GABBR2: variants seen among roughly 807,000 people sequenced by gnomAD.
GABBR2 encodes the protein gamma-aminobutyric acid type B receptor subunit 2.
In GABBR2, 23 loss-of-function variants were observed where a neutral mutation model predicts 105.6. The ratio of observed to expected loss-of-function variants is 0.22; its 90% CI spans 0.16 to 0.31. The LOEUF (loss-of-function observed/expected upper bound fraction) is 0.31, where lower values mean the gene tolerates loss of function less well. Ranked by LOEUF, GABBR2 falls within the 10% of genes least tolerant of loss-of-function variation. The pLI, the probability that GABBR2 is intolerant of heterozygous loss-of-function variation, is 1.00. For synonymous variants in GABBR2, 478 were observed against 499.7 expected, an observed-to-expected ratio of 0.96 and a Z score of 0.58; for missense variants, 734 against 1,245.5, an observed-to-expected ratio of 0.59 and a Z score of 6.18.
rs5899341 is a variant in GABBR2, at chr9:98,410,505, C to CTT, written c.1237-4366_1237-4365dup. Among the ~76,000 whole-genome samples, 80 of 126,472 alleles carry CTT rather than the reference C, an allele frequency of 6.3e-4. 1 individual carries two copies. Among genetic ancestry groups the CTT allele is most frequent in the African/African-American group, 1.8e-3 (58 of 32,974 alleles). The allele number at this position is 126,472 out of a possible 152,430, so 83.0% of individuals were successfully genotyped here. ...CGCATAAGCATGCATGAGGGAAAAG[C>CTT]TTTTTTTTTTTTTTTTTTTCTTCCT... On this transcript the variant is annotated intron_variant, in intron 7 of 18. Coordinates refer to ENST00000259455, the MANE Select transcript of GABBR2 (RefSeq NM_005458.8).
intron 4 of GABBR2, 142 bp downstream of exon 4, chr9:98,496,271 G>A: frequency 3.1e-6 from 2 of 642,634 alleles, no homozygotes; most frequent in Non-Finnish European, 2.8e-6. Context: ...CCAATTCCTG[G>A]GAGCTTCTCC....
intron 1 of GABBR2, among the ~76,000 whole-genome samples, chr9:98,667,395 A>G (rs1588275602): frequency 6.6e-6 from 1 of 152,128 alleles, no homozygotes; most frequent in African/African-American, 2.4e-5. Flanking sequence ...CTTCCCCTTC[A>G]GGAGCTGGGC....
At chr9:98,397,514 C>G (rs551037823) in intron 8 of GABBR2, among the ~76,000 whole-genome samples, 1 of 152,120 alleles carries the variant, frequency 6.6e-6, no homozygotes, top group Non-Finnish European at 1.5e-5. Flanking sequence ...TGCCAAGTTC[C>G]TAGCTTGGAA....
intron 1 of GABBR2, among the ~76,000 whole-genome samples, chr9:98,581,533 G>A (rs1012863285): frequency 3.4e-5 from 5 of 145,008 alleles, no homozygotes; most frequent in East Asian, 1.9e-4. Flanking sequence ...CAGGGAGGGA[G>A]GGAGGAAAGA....
intron 1 of GABBR2, among the ~76,000 whole-genome samples, chr9:98,652,785 G>A (rs370261074): frequency 5.8e-4 from 88 of 152,324 alleles, no homozygotes; most frequent in African/African-American, 2.0e-3. Flanking sequence ...GGCCTTACCA[G>A]GTGGCCACCA....
intron 1 of GABBR2, among the ~76,000 whole-genome samples, chr9:98,682,064 A>C (rs1830556569): frequency 6.6e-6 from 1 of 151,912 alleles, no homozygotes; most frequent in Non-Finnish European, 1.5e-5. Context: ...GTGAAAACTC[A>C]TCTCTACTAA....
chr9:98,538,580 C>A, intron 3 of GABBR2: 1 of 983,022 alleles, frequency 1.0e-6, no homozygotes. Context: ...CTCACAGGAG[C>A]AGCTGGTCCC....
intron 1 of GABBR2, among the ~76,000 whole-genome samples, chr9:98,688,050 G>A (rs150614852): frequency 6.6e-6 from 1 of 152,240 alleles, no homozygotes; most frequent in African/African-American, 2.4e-5. Context: ...CACACACTGA[G>A]CAGCAGACCT....
At chr9:98,304,788 G>A (rs969829325) in intron 15 of GABBR2, among the ~76,000 whole-genome samples, 2 of 127,170 alleles carry the variant, frequency 1.6e-5, no homozygotes, top group Admixed American at 8.3e-5. Context: ...TTGGAGGGGC[G>A]GGTAAAGGGT....
intron 1 of GABBR2, among the ~76,000 whole-genome samples, chr9:98,706,297 G>A (rs1830893314): frequency 6.6e-6 from 1 of 152,060 alleles, no homozygotes; most frequent in South Asian, 2.1e-4. Flanking sequence ...CCTAGGCTTA[G>A]AGAGATTAAA....
chr9:98,298,553 A>G (rs183968401), intron 17 of GABBR2, among the ~76,000 whole-genome samples: 1 of 152,250 alleles, frequency 6.6e-6, no homozygotes, highest in East Asian at 1.9e-4. Flanking sequence ...ATTTCCAAAT[A>G]CTCTTACCAA....
At chr9:98,346,877 A>G (rs1831312201) in intron 13 of GABBR2, among the ~76,000 whole-genome samples, 1 of 152,114 alleles carries the variant, frequency 6.6e-6, no homozygotes, top group East Asian at 1.9e-4. Context: ...AATATCCTCC[A>G]GGCTCATTCA....
chr9:98,492,375 A>AAAAAAAAAAAAAAAC (rs1827195151), intron 4 of GABBR2, among the ~76,000 whole-genome samples: 1 of 147,148 alleles, frequency 6.8e-6, no homozygotes, highest in Non-Finnish European at 1.5e-5. Flanking sequence ...AAAAAAAAAA[A>AAAAAAAAAAAAAAAC]AATTCTTATT....
chr9:98,573,777 G>A (rs1290086781), intron 2 of GABBR2, among the ~76,000 whole-genome samples: 1 of 152,122 alleles, frequency 6.6e-6, no homozygotes, highest in African/African-American at 2.4e-5. Context: ...AGTCTTTCTG[G>A]CTGTTTTTTC....
At chr9:98,488,700 T>C (rs1175144213) in intron 4 of GABBR2, among the ~76,000 whole-genome samples, 1 of 152,146 alleles carries the variant, frequency 6.6e-6, no homozygotes, top group Non-Finnish European at 1.5e-5. Flanking sequence ...CCTGTTTTGT[T>C]ACTAAGAAGA....
chr9:98,459,279 T>A (rs534523747), intron 6 of GABBR2, among the ~76,000 whole-genome samples: 3 of 152,190 alleles, frequency 2.0e-5, no homozygotes, highest in Non-Finnish European at 4.4e-5. Flanking sequence ...GAATAAAATA[T>A]TAAAATAGCT....
chr9:98,514,082 T>C (rs1208743597), intron 3 of GABBR2, among the ~76,000 whole-genome samples: 1 of 145,458 alleles, frequency 6.9e-6, no homozygotes, highest in Admixed American at 6.8e-5. Flanking sequence ...CTATAAAAAA[T>C]GATGAGTTCA....
At chr9:98,562,006 C>T (rs182677774) in intron 2 of GABBR2, among the ~76,000 whole-genome samples, 9 of 152,196 alleles carry the variant, frequency 5.9e-5, no homozygotes, top group South Asian at 4.2e-4. Flanking sequence ...GATAGTCATA[C>T]GGTCTCAGCG....
intron 6 of GABBR2, among the ~76,000 whole-genome samples, chr9:98,469,445 C>T (rs1486925117): frequency 6.6e-6 from 1 of 152,198 alleles, no homozygotes; most frequent in Non-Finnish European, 1.5e-5. Context: ...ATCATGAGAG[C>T]CTGGGTGGAG....
Sources: gnomAD v4.1 joint callset for allele counts (sites outside exome capture counted in the v4.1 genomes callset) on GRCh38, gnomAD v4.1.1 for gene constraint, MANE v1.5 for transcripts, NCBI Gene and HGNC (gene_info 2026-07-23, HGNC 2026-07-21) for gene names.